KLHL1: variants seen among roughly 807,000 people sequenced by gnomAD.
KLHL1 encodes kelch-like protein 1.
Under a neutral mutation model 77.7 loss-of-function variants are expected in KLHL1, and 47 were observed. The observed-to-expected ratio is 0.60, with a 90% CI of 0.48 to 0.77. The LOEUF (loss-of-function observed/expected upper bound fraction) is 0.77, where lower values mean the gene tolerates loss of function less well. Among genes scored for constraint, KLHL1 ranks in the 30% least tolerant of loss-of-function variants. KLHL1 has a pLI of 0.00. For synonymous variants in KLHL1, 360 were observed against 325.2 expected, an observed-to-expected ratio of 1.11 and a Z score of -1.15; for missense variants, 925 against 910.8, an observed-to-expected ratio of 1.02 and a Z score of -0.20.
At chr13:70,008,926 A>T (rs1463371005) in intron 1 of KLHL1, among the ~76,000 whole-genome samples, 1 of 152,162 alleles carries the variant, frequency 6.6e-6, no homozygotes, top group Non-Finnish European at 1.5e-5. Context: ...TTGTCACAAT[A>T]CAATGCACTT....
chr13:69,799,168 T>A (rs1432695430), intron 6 of KLHL1, among the ~76,000 whole-genome samples: 1 of 152,054 alleles, frequency 6.6e-6, no homozygotes, highest in African/African-American at 2.4e-5. Flanking sequence ...AAGAAAGTAA[T>A]CTAATCCTAA....
intron 4 of KLHL1, among the ~76,000 whole-genome samples, chr13:69,925,156 G>A (rs1882772714): frequency 6.6e-6 from 1 of 152,122 alleles, no homozygotes; most frequent in Non-Finnish European, 1.5e-5. Flanking sequence ...AGCTGGTGAA[G>A]CAACATCCCA....
intron 5 of KLHL1, among the ~76,000 whole-genome samples, chr13:69,869,037 G>A (rs1471227977): frequency 4.6e-5 from 7 of 152,106 alleles, no homozygotes; most frequent in Admixed American, 4.6e-4. Context: ...GCCTGATAAG[G>A]AAGCTAACGG....
At chr13:69,951,318 T>C (rs574516542) in intron 3 of KLHL1, among the ~76,000 whole-genome samples, 2 of 151,528 alleles carry the variant, frequency 1.3e-5, no homozygotes, top group East Asian at 3.9e-4. Flanking sequence ...GCTTATTTTT[T>C]CTTTCCTTTA....
intron 1 of KLHL1, among the ~76,000 whole-genome samples, chr13:70,050,789 A>G (rs1345604669): frequency 6.6e-6 from 1 of 151,978 alleles, no homozygotes; most frequent in Non-Finnish European, 1.5e-5. Context: ...GCAATTTTGC[A>G]ATATTATTTG....
chr13:69,724,861 C>T (rs946557119), intron 8 of KLHL1, among the ~76,000 whole-genome samples: 2 of 152,048 alleles, frequency 1.3e-5, no homozygotes, highest in African/African-American at 4.8e-5. Context: ...AATTAAGATG[C>T]TATATATTAA....
intron 2 of KLHL1, among the ~76,000 whole-genome samples, chr13:69,963,105 A>C (rs1254389486): frequency 6.6e-6 from 1 of 152,066 alleles, no homozygotes; most frequent in Non-Finnish European, 1.5e-5. Context: ...TCTGTTGTCT[A>C]GGATGTTGTG....
intron 3 of KLHL1, among the ~76,000 whole-genome samples, chr13:69,940,700 C>G (rs567022913): frequency 1.3e-4 from 20 of 149,766 alleles, no homozygotes; most frequent in Admixed American, 2.7e-4. Flanking sequence ...TTGTACTTAA[C>G]CCACTGTACT....
chr13:69,967,625 C>T (rs1046755289), intron 2 of KLHL1, among the ~76,000 whole-genome samples: 1 of 152,144 alleles, frequency 6.6e-6, no homozygotes, highest in Non-Finnish European at 1.5e-5. Flanking sequence ...TTGTGGCTCA[C>T]GCCTGAAATC....
intron 7 of KLHL1, among the ~76,000 whole-genome samples, chr13:69,743,976 A>T (rs533256497): frequency 9.2e-5 from 14 of 152,240 alleles, no homozygotes; most frequent in Admixed American, 2.6e-4. Flanking sequence ...AGGGACTATT[A>T]CACATTTAAG....
intron 5 of KLHL1, among the ~76,000 whole-genome samples, chr13:69,878,707 T>TAG (rs1292809619): frequency 1.2e-4 from 18 of 149,832 alleles, no homozygotes; most frequent in East Asian, 3.9e-4. Flanking sequence ...CATATATATA[T>TAG]ATATAGAGAG....
intron 1 of KLHL1, among the ~76,000 whole-genome samples, chr13:70,046,626 T>C (rs930853002): frequency 2.0e-5 from 3 of 152,204 alleles, no homozygotes; most frequent in Non-Finnish European, 4.4e-5. Context: ...TAGCTGGGAT[T>C]ACAGGAGTGC....
intron 1 of KLHL1, among the ~76,000 whole-genome samples, chr13:70,094,303 T>C (rs1264331578): frequency 6.6e-6 from 1 of 151,334 alleles, no homozygotes; most frequent in African/African-American, 2.4e-5. Context: ...TCCAGCTGCA[T>C]GACAGAGTGA....
chr13:69,795,121 A>C (rs1004043721), intron 7 of KLHL1, among the ~76,000 whole-genome samples: 1 of 152,184 alleles, frequency 6.6e-6, no homozygotes, highest in Non-Finnish European at 1.5e-5. Flanking sequence ...CGGAGAACAC[A>C]GATATCTTGT....
At chr13:69,798,912 A>C (rs1361750947) in intron 6 of KLHL1, among the ~76,000 whole-genome samples, 1 of 151,896 alleles carries the variant, frequency 6.6e-6, no homozygotes, top group Non-Finnish European at 1.5e-5. Context: ...TCTCCACTAA[A>C]AATACAAAAA....
At chr13:70,038,515 G>C (rs1886292324) in intron 1 of KLHL1, among the ~76,000 whole-genome samples, 1 of 148,514 alleles carries the variant, frequency 6.7e-6, no homozygotes, top group Non-Finnish European at 1.5e-5. Flanking sequence ...TATTTTACAT[G>C]TCCAAAAACA....
intron 7 of KLHL1, among the ~76,000 whole-genome samples, chr13:69,766,854 T>C (rs1875329364): frequency 6.6e-6 from 1 of 152,104 alleles, no homozygotes; most frequent in Non-Finnish European, 1.5e-5. Flanking sequence ...GGCCTAAAGA[T>C]TGCAAACCTG....
At chr13:70,060,340 A>G (rs1000559271) in intron 1 of KLHL1, among the ~76,000 whole-genome samples, 2 of 152,164 alleles carry the variant, frequency 1.3e-5, no homozygotes, top group African/African-American at 4.8e-5. Flanking sequence ...TACAACCACT[A>G]TAGAGAACAG....
At chr13:70,103,347 A>G (rs147371829) in intron 1 of KLHL1, among the ~76,000 whole-genome samples, 1 of 152,296 alleles carries the variant, frequency 6.6e-6, no homozygotes, top group African/African-American at 2.4e-5. Flanking sequence ...GAACCAGGTA[A>G]TCCATGGTAC....
Sources: allele counts gnomAD v4.1 joint callset (sites outside exome capture counted in the v4.1 genomes callset), GRCh38; gene constraint gnomAD v4.1.1; transcripts MANE v1.5; gene names NCBI Gene and HGNC (gene_info 2026-07-23, HGNC 2026-07-21).